HERC2: variants seen among roughly 807,000 people sequenced by gnomAD.
The protein encoded by HERC2 is E3 ubiquitin-protein ligase HERC2.
A neutral mutation model predicts 537.7 loss-of-function variants in HERC2; 102 were observed. The observed-to-expected ratio is 0.19, with a 90% CI of 0.16 to 0.22. The LOEUF (loss-of-function observed/expected upper bound fraction) is 0.22. Ranked by LOEUF, HERC2 falls within the 10% of genes least tolerant of loss-of-function variation. The probability of loss-of-function intolerance (pLI) is 1.00; values close to 1 mark genes in which losing one functional copy is unlikely to be tolerated. For synonymous variants in HERC2, 2,224 were observed against 2,466.2 expected (o/e 0.90, Z 2.91); for missense variants, 4,236 against 6,198.2 (o/e 0.68, Z 10.63).
At chr15:28,204,207 C>T (rs1418086031) in intron 45 of HERC2, among the ~76,000 whole-genome samples, 1 of 152,154 alleles carries the variant, frequency 6.6e-6, no homozygotes. Context: ...CAACCAATAA[C>T]TGACTATAAT....
chr15:28,157,008 T>C (rs976226658), intron 69 of HERC2, among the ~76,000 whole-genome samples: 2 of 152,242 alleles, frequency 1.3e-5, no homozygotes, highest in Non-Finnish European at 2.9e-5. Flanking sequence ...GAGATAATCA[T>C]GTGGTTTTTG....
intron 2 of HERC2, among the ~76,000 whole-genome samples, chr15:28,301,735 G>GTATATATATATA (rs55977156): frequency 5.7e-5 from 2 of 35,378 alleles, no homozygotes; most frequent in African/African-American, 1.1e-4. Flanking sequence ...GTATGTATGT[G>GTATATATATATA]TATATATATA....
chr15:28,223,533 C>G (rs1020591794), intron 35 of HERC2, among the ~76,000 whole-genome samples: 9 of 152,052 alleles, frequency 5.9e-5, no homozygotes, highest in Admixed American at 2.0e-4. Flanking sequence ...GGAAGGGGCC[C>G]CAAGGAAGGG....
chr15:28,309,215 A>G (rs1268541867), intron 2 of HERC2, among the ~76,000 whole-genome samples: 1 of 152,190 alleles, frequency 6.6e-6, no homozygotes, highest in African/African-American at 2.4e-5. Context: ...TTTCTTCGTT[A>G]ATTTTGTCTG....
In HERC2 at chr15:28,111,430, C is replaced by A; in HGVS notation, c.*333G>T. The A allele has an allele frequency of 3.2e-6, 1 of 308,162 alleles. No homozygotes were observed. The highest frequency in any genetic ancestry group is 5.9e-6 in the Non-Finnish European group (1 of 168,692). The allele number at this position is 308,162 out of a possible 1,614,324, so 19.1% of individuals were successfully genotyped here. A position where few individuals can be genotyped will look rare whatever the true frequency, so the allele number is the denominator to read the frequency against. On this transcript the variant is annotated 3_prime_UTR_variant, in exon 93 of 93. Transcript: ENST00000261609. ...GAGAAAGAAAAAAAATCGATTGCAC[C>A]CACAAGTAAAAAGGCTTTATTCATT...
chr15:28,246,205 A>G, intron 22 of HERC2, 139 bp from the exon 23 acceptor site: 1 of 610,578 alleles, frequency 1.6e-6, no homozygotes, highest in Non-Finnish European at 2.8e-6. Flanking sequence ...GAATTATCTT[A>G]TATTTTATAT....
At chr15:28,214,584 C>T (rs1449982659) in intron 40 of HERC2, 71 bp downstream of exon 40, 32 of 1,545,450 alleles carry the variant, frequency 2.1e-5, no homozygotes, top group East Asian at 4.6e-5. Flanking sequence ...GGAAGGGAAA[C>T]GGCCACCCAC....
rs200862998 is a variant in HERC2 at position 28,245,566 on chromosome 15, TACACAC to T, written c.3577+309_3577+314del. Among the ~76,000 whole-genome samples, 249 of 119,240 alleles carry T rather than the reference TACACAC, an allele frequency of 2.1e-3. 3 individuals carry two copies. The highest frequency in any genetic ancestry group is 5.5e-3 in the African/African-American group (187 of 34,226). The allele number at this position is 119,240 out of a possible 152,430, so 78.2% of individuals were successfully genotyped here. A position where few individuals can be genotyped will look rare whatever the true frequency, so the allele number is the denominator to read the frequency against. On this transcript the variant is annotated intron_variant, in intron 23 of 92. Coordinates refer to ENST00000261609, the MANE Select transcript of HERC2 (RefSeq NM_004667.6). ...AGTGTCAAAAAAAAAAAAAAATATA[TACACAC>T]ACACACACACACACACACACACACA...
intron 2 of HERC2, among the ~76,000 whole-genome samples, chr15:28,306,993 C>A (rs947621397): frequency 5.9e-5 from 9 of 152,182 alleles, no homozygotes; most frequent in Non-Finnish European, 1.5e-5. Context: ...CAAAACCACA[C>A]CTGGTTAATT....
chr15:28,178,877 T>C lies in HERC2; in HGVS notation c.9163+10A>G, dbSNP rs2140169698. 3 of 1,611,260 alleles carry C rather than the reference T, an allele frequency of 1.9e-6. No homozygotes were observed. The highest frequency in any genetic ancestry group is 2.5e-6 in the Non-Finnish European group (3 of 1,178,996). On this transcript the variant is annotated intron_variant, in intron 59 of 92. Transcript: ENST00000261609. ...CGCCCCGCACAGGCCTCCTGGTGCTTGGCTTGTACCTGAGTGAACAGCCAC... is the reference window on the plus strand; with the variant it reads ...CGCCCCGCACAGGCCTCCTGGTGCTCGGCTTGTACCTGAGTGAACAGCCAC...
chr15:28,180,095 C>T (rs1895684517), intron 57 of HERC2, among the ~76,000 whole-genome samples: 1 of 152,246 alleles, frequency 6.6e-6, no homozygotes, highest in Non-Finnish European at 1.5e-5. Flanking sequence ...AGAGCAACTT[C>T]CAGTCCTGCA....
chr15:28,307,592 T>C (rs2076825118), intron 2 of HERC2, among the ~76,000 whole-genome samples: 1 of 152,266 alleles, frequency 6.6e-6, no homozygotes, highest in African/African-American at 2.4e-5. Flanking sequence ...TCTTAATTTC[T>C]TCACTGACCT....
intron 52 of HERC2, among the ~76,000 whole-genome samples, chr15:28,193,069 C>G (rs1469672953): frequency 1.3e-5 from 2 of 152,084 alleles, no homozygotes; most frequent in East Asian, 3.9e-4. Context: ...CCTTGGAGAA[C>G]AATAACATCT....
intron 5 of HERC2, among the ~76,000 whole-genome samples, chr15:28,276,073 G>A (rs563501927): frequency 6.7e-6 from 1 of 150,008 alleles, no homozygotes; most frequent in South Asian, 2.1e-4. Flanking sequence ...TGTAGTCCCA[G>A]CTACTCGGAG....
At chr15:28,232,235 G>C (rs956666950) in intron 30 of HERC2, among the ~76,000 whole-genome samples, 4 of 152,150 alleles carry the variant, frequency 2.6e-5, no homozygotes, top group African/African-American at 9.7e-5. Flanking sequence ...GAGTAAATCA[G>C]TATAAGTCAT....
chr15:28,240,419 A>G (rs1902981407), intron 23 of HERC2, among the ~76,000 whole-genome samples: 1 of 152,228 alleles, frequency 6.6e-6, no homozygotes, highest in African/African-American at 2.4e-5. Context: ...CTCCGTCTAA[A>G]AACAAAAATT....
chr15:28,309,069 T>A (rs1362480643), intron 2 of HERC2, among the ~76,000 whole-genome samples: 2 of 152,256 alleles, frequency 1.3e-5, no homozygotes, highest in Non-Finnish European at 2.9e-5. Flanking sequence ...ACTTATTTTG[T>A]GGCCTAACAT....
At chr15:28,225,919 C>T (rs1901100769) in intron 35 of HERC2, among the ~76,000 whole-genome samples, 1 of 152,056 alleles carries the variant, frequency 6.6e-6, no homozygotes, top group Admixed American at 6.6e-5. Flanking sequence ...TCTGAATAGA[C>T]CCGTAACAAG....
At chr15:28,189,538 A>C (rs1438976821) in intron 55 of HERC2, among the ~76,000 whole-genome samples, 2 of 152,222 alleles carry the variant, frequency 1.3e-5, no homozygotes, top group Admixed American at 1.3e-4. Flanking sequence ...CAATTTCTTC[A>C]CTTATTAGCA....
Sources: gnomAD v4.1 joint callset for allele counts (sites outside exome capture counted in the v4.1 genomes callset) on GRCh38, gnomAD v4.1.1 for gene constraint, MANE v1.5 for transcripts, NCBI Gene and HGNC (gene_info 2026-07-23, HGNC 2026-07-21) for gene names.